Variants in THSD4 observed in about 807,000 individuals in gnomAD.
The protein encoded by THSD4 is thrombospondin type 1 domain containing 4, also known as thrombospondin type-1 domain-containing protein 4.
THSD4 carries 69 observed loss-of-function variants against 119.0 expected under a neutral mutation model. The observed-to-expected ratio is 0.58, with a 90% CI of 0.48 to 0.71. The LOEUF (loss-of-function observed/expected upper bound fraction) is 0.71, where lower values mean the gene tolerates loss of function less well. THSD4 is among the 30% of genes least tolerant of loss of function. The probability of loss-of-function intolerance (pLI) is 0.00; values close to 1 mark genes in which losing one functional copy is unlikely to be tolerated. For synonymous variants in THSD4, 524 were observed against 540.4 expected (o/e 0.97, Z 0.42); for missense variants, 1,393 against 1,391.1 (o/e 1.00, Z -0.02).
intron 6 of THSD4, among the ~76,000 whole-genome samples, chr15:71,349,973 A>T (rs1246072773): frequency 1.3e-5 from 2 of 152,116 alleles, no homozygotes; most frequent in Non-Finnish European, 2.9e-5. Flanking sequence ...TTTTAACGTA[A>T]TGCAAATCGG....
intron 6 of THSD4, among the ~76,000 whole-genome samples, chr15:71,389,139 A>G (rs984402594): frequency 1.3e-5 from 2 of 152,214 alleles, no homozygotes; most frequent in African/African-American, 4.8e-5. Flanking sequence ...CTTTATCAGC[A>G]GCGTGAAAAT....
intron 6 of THSD4, among the ~76,000 whole-genome samples, chr15:71,317,375 T>G (rs1401014138): frequency 6.6e-6 from 1 of 152,206 alleles, no homozygotes; most frequent in Non-Finnish European, 1.5e-5. Context: ...CTGTTCCACA[T>G]GGCTATGGAG....
At chr15:71,591,179 G>T (rs928423332) in intron 7 of THSD4, among the ~76,000 whole-genome samples, 1 of 152,038 alleles carries the variant, frequency 6.6e-6, no homozygotes, top group Non-Finnish European at 1.5e-5. Flanking sequence ...CACAAAATAG[G>T]CAAGGCAATT....
chr15:71,566,609 C>T (rs1313817149), intron 7 of THSD4, among the ~76,000 whole-genome samples: 1 of 152,036 alleles, frequency 6.6e-6, no homozygotes, highest in Non-Finnish European at 1.5e-5. Flanking sequence ...ACTGTTTTCC[C>T]CATAATTCCC....
intron 7 of THSD4, among the ~76,000 whole-genome samples, chr15:71,604,904 A>G (rs752008841): frequency 1.2e-4 from 19 of 152,178 alleles, no homozygotes; most frequent in Non-Finnish European, 2.4e-4. Flanking sequence ...AAGAAATGCT[A>G]TGGAGAAAAA....
chr15:71,433,444 CT>C (rs373155375), intron 7 of THSD4, among the ~76,000 whole-genome samples: 92 of 148,850 alleles, frequency 6.2e-4, no homozygotes, highest in South Asian at 2.3e-3. Flanking sequence ...TTTAAGTTAA[CT>C]TTTTTTCTTT....
intron 7 of THSD4, among the ~76,000 whole-genome samples, chr15:71,660,202 A>G (rs547039395): frequency 3.9e-5 from 6 of 152,312 alleles, no homozygotes; most frequent in African/African-American, 1.4e-4. Context: ...TAAAAATCCC[A>G]GCACAGACCA....
chr15:71,643,682 A>G (rs960395539), intron 7 of THSD4, among the ~76,000 whole-genome samples: 1 of 152,246 alleles, frequency 6.6e-6, no homozygotes, highest in African/African-American at 2.4e-5. Context: ...AAACATTAAC[A>G]TCTAACTCTT....
At chr15:71,633,064 G>C (rs1542878) in intron 7 of THSD4, among the ~76,000 whole-genome samples, 38,167 of 151,918 alleles carry the variant, frequency 0.25, 5,518 homozygotes, top group East Asian at 0.62. Flanking sequence ...AGAAAGAAAA[G>C]AGGACAAAAA....
chr15:71,367,359 T>C (rs1044748421), intron 6 of THSD4, among the ~76,000 whole-genome samples: 2 of 152,228 alleles, frequency 1.3e-5, no homozygotes, highest in African/African-American at 4.8e-5. Flanking sequence ...TTGTTACATA[T>C]GTATACATGT....
chr15:71,348,295 T>C (rs2140401352), intron 6 of THSD4: 1 of 152,314 alleles, frequency 6.6e-6, no homozygotes, highest in South Asian at 2.1e-4. Flanking sequence ...GAATGCAGGT[T>C]CTGATTCAGT....
At chr15:71,539,348 G>A (rs2048727554) in intron 7 of THSD4, among the ~76,000 whole-genome samples, 1 of 152,148 alleles carries the variant, frequency 6.6e-6, no homozygotes, top group Admixed American at 6.5e-5. Context: ...CACAATGTCA[G>A]CATATGTAAA....
In THSD4 at chr15:71,543,917, A is replaced by G. The variant is rs12439940; in HGVS notation, c.1153-116613A>G. 0.044 allele frequency among the ~76,000 whole-genome samples: 6,687 copies of G among 152,174 alleles called. 793 individuals are homozygous for G. In the East Asian group the frequency reaches 0.47, roughly 11 times the overall value. Reference sequence around the variant, plus strand: ...GTGGTGCAAGCCTGTAATCCCAGCTACTCGGGAGGCTGAGGCAGGAGAATT... The same window carrying G: ...GTGGTGCAAGCCTGTAATCCCAGCTGCTCGGGAGGCTGAGGCAGGAGAATT... On this transcript the variant is annotated intron_variant, in intron 7 of 17. Coordinates refer to ENST00000261862, the MANE Select transcript of THSD4 (RefSeq NM_024817.3).
At chr15:71,275,060 G>A (rs1173215464) in intron 6 of THSD4, among the ~76,000 whole-genome samples, 1 of 152,048 alleles carries the variant, frequency 6.6e-6, no homozygotes, top group Admixed American at 6.5e-5. Context: ...TCGTGTGGCT[G>A]GTCGGGGTGT....
chr15:71,765,980 G>C (rs575504382), intron 16 of THSD4, among the ~76,000 whole-genome samples: 1 of 152,182 alleles, frequency 6.6e-6, no homozygotes, highest in East Asian at 1.9e-4. Context: ...TATTCCTGTG[G>C]CTTCTCTTTC....
intron 6 of THSD4, among the ~76,000 whole-genome samples, chr15:71,395,521 C>T (rs916250647): frequency 2.6e-5 from 4 of 152,132 alleles, no homozygotes; most frequent in Non-Finnish European, 5.9e-5. Flanking sequence ...GTGGGCAGAT[C>T]GCTTGAACTC....
chr15:71,699,845 A>G (rs953036258), intron 8 of THSD4, among the ~76,000 whole-genome samples: 1 of 152,222 alleles, frequency 6.6e-6, no homozygotes. Context: ...TAGGATATCT[A>G]TTACGCACCA....
rs769956305 is a variant in THSD4 at position 71,737,961 on chromosome 15, C to G, written c.1860C>G (p.Asn620Lys). 1.9e-6 allele frequency: 3 copies of G among 1,613,802 alleles called. No homozygotes were observed. The African/African-American group carries it at 4.0e-5, about 22-fold the overall frequency. The change falls in exon 11 of 18, where the codon AAC becomes AAG. Residue 620 changes from asparagine to lysine, a missense_variant. Coordinates refer to ENST00000261862, the MANE Select transcript of THSD4 (RefSeq NM_024817.3). ...CCCCACGGCGCAGCCGGGATCACAACTGGAAGCAGCTTGGGACAACAGAAT... is the reference window on the plus strand; with the variant it reads ...CCCCACGGCGCAGCCGGGATCACAAGTGGAAGCAGCTTGGGACAACAGAAT... ...PQPPRRSRDH[N>K]WKQLGTTECS...
intron 8 of THSD4, among the ~76,000 whole-genome samples, chr15:71,727,269 C>T (rs1331478587): frequency 2.0e-5 from 3 of 152,104 alleles, no homozygotes; most frequent in Non-Finnish European, 4.4e-5. Context: ...ACACAGCCCA[C>T]AGCCTCAGAT....
Sources: allele counts gnomAD v4.1 joint callset (sites outside exome capture counted in the v4.1 genomes callset), GRCh38; gene constraint gnomAD v4.1.1; transcripts MANE v1.5; gene names NCBI Gene and HGNC (gene_info 2026-07-23, HGNC 2026-07-21).